Variants in UBE2E1 observed in about 807,000 individuals in gnomAD.
UBE2E1 encodes the protein ubiquitin-conjugating enzyme E2 E1.
A neutral mutation model predicts 21.4 loss-of-function variants in UBE2E1; 6 were observed. The ratio of observed to expected loss-of-function variants is 0.28; its 90% confidence interval spans 0.15 to 0.55. UBE2E1 has a LOEUF of 0.55. Among genes scored for constraint, UBE2E1 ranks in the 20% least tolerant of loss-of-function variants. The pLI is 0.93. For synonymous variants in UBE2E1, 87 were observed against 82.7 expected (o/e 1.05, Z -0.28); for missense variants, 142 against 236.5 (o/e 0.60, Z 2.62).
At chr3:23,846,219 T>C (rs1700199518) in intron 3 of UBE2E1, among the ~76,000 whole-genome samples, 1 of 152,256 alleles carries the variant, frequency 6.6e-6, no homozygotes, top group Admixed American at 6.5e-5. Context: ...TTAAGGTAAA[T>C]GTAATGTTGA....
At chr3:23,848,975 C>T (rs1450075974) in intron 3 of UBE2E1, among the ~76,000 whole-genome samples, 1 of 152,122 alleles carries the variant, frequency 6.6e-6, no homozygotes. Flanking sequence ...CTTTTTATGG[C>T]TGAATAATAC....
chr3:23,809,867 C>T (rs1465230328), intron 2 of UBE2E1, among the ~76,000 whole-genome samples: 1 of 152,106 alleles, frequency 6.6e-6, no homozygotes, highest in Non-Finnish European at 1.5e-5. Flanking sequence ...AGTCAAACAG[C>T]GGGAGTATGA....
Position 23,811,456 on chromosome 3 carries a change from C to T in UBE2E1, c.153-4C>T. 6.2e-7 allele frequency: 1 copy of T among 1,614,160 alleles called. No homozygotes were observed. Among genetic ancestry groups the T allele is most frequent in the Non-Finnish European group, 8.5e-7 (1 of 1,179,992 alleles). On this transcript the variant is annotated splice_region_variant and splice_polypyrimidine_tract_variant and intron_variant, in intron 2 of 5. Transcript: ENST00000306627. Reference sequence around the variant, plus strand: ...GTTTGTCTTTCCCATTTCTCCCACTCCAGAATTCAGAAGGAGCTGGCGGAC... The same window carrying T: ...GTTTGTCTTTCCCATTTCTCCCACTTCAGAATTCAGAAGGAGCTGGCGGAC...
chr3:23,838,328 A>G (rs1030378242), intron 3 of UBE2E1, among the ~76,000 whole-genome samples: 2 of 152,080 alleles, frequency 1.3e-5, no homozygotes, highest in African/African-American at 4.8e-5. Flanking sequence ...AGGCCTTCCA[A>G]AGTGCTGGGA....
intron 3 of UBE2E1, among the ~76,000 whole-genome samples, chr3:23,885,015 A>G (rs1701147497): frequency 6.6e-6 from 1 of 152,220 alleles, no homozygotes; most frequent in African/African-American, 2.4e-5. Flanking sequence ...TGCTATAACA[A>G]AGTACCATGA....
rs1699320680 is a variant in UBE2E1 at position 23,808,362 on chromosome 3, T to C, written c.152+941T>C. ...ATTCCTAGGAGCTCTGAGACACCCT[T>C]TCATAAATCCTTCTGCTCTCAGAGT... On this transcript the variant is annotated intron_variant, in intron 2 of 5. Transcript: ENST00000306627. This position sits in a 1 kb window ranked among gnomAD's most constrained non-coding sequence, Gnocchi z 4.9. 6.6e-6 allele frequency among the ~76,000 whole-genome samples: 1 copy of C among 152,130 alleles called. No individual in the cohort carries two copies. Among genetic ancestry groups the C allele is most frequent in the African/African-American group, 2.4e-5 (1 of 41,404 alleles).
chr3:23,809,222 T>G (rs1190758716), intron 2 of UBE2E1, among the ~76,000 whole-genome samples: 1 of 152,198 alleles, frequency 6.6e-6, no homozygotes. Flanking sequence ...GAGTAGCTAT[T>G]AGTGTTAAAG....
At chr3:23,847,319 A>T (rs1285517754) in intron 3 of UBE2E1, among the ~76,000 whole-genome samples, 1 of 152,138 alleles carries the variant, frequency 6.6e-6, no homozygotes, top group Non-Finnish European at 1.5e-5. Context: ...TCATGACATC[A>T]GTAGTACGTA....
chr3:23,858,941 C>T (rs7429300), intron 3 of UBE2E1, among the ~76,000 whole-genome samples: 31 of 152,294 alleles, frequency 2.0e-4, no homozygotes, highest in Admixed American at 1.6e-3. Flanking sequence ...AACAATTTAC[C>T]TCATATCAAA....
chr3:23,858,973 A>G (rs1700497441), intron 3 of UBE2E1, among the ~76,000 whole-genome samples: 1 of 152,152 alleles, frequency 6.6e-6, no homozygotes, highest in African/African-American at 2.4e-5. Context: ...TTAATCATTT[A>G]TTGTTGGACA....
intron 3 of UBE2E1, among the ~76,000 whole-genome samples, chr3:23,851,004 T>C (rs1244143980): frequency 6.6e-6 from 1 of 152,116 alleles, no homozygotes; most frequent in Non-Finnish European, 1.5e-5. Flanking sequence ...TATTTTCTTC[T>C]AAGAGTTTCA....
In UBE2E1 at chr3:23,842,198, G is replaced by GGGGGGGTGTGTGTGTGT. The variant is rs1553637704; in HGVS notation, c.203+30689_203+30690insGGGGGTGTGTGTGTGTG. 2.9e-5 allele frequency among the ~76,000 whole-genome samples: 3 copies of GGGGGGGTGTGTGTGTGT among 104,358 alleles called. No homozygotes were observed. Among genetic ancestry groups the GGGGGGGTGTGTGTGTGT allele is most frequent in the African/African-American group, 1.1e-4 (3 of 27,702 alleles). The allele number at this position is 104,358 out of a possible 152,430, so 68.5% of individuals were successfully genotyped here. ...TATGTCATGACCCAGTAAGTGAAGG[G>GGGGGGGTGTGTGTGTGT]GTGTGTGTGTGTGTGTGTGTGTGTG... On this transcript the variant is annotated intron_variant, in intron 3 of 5. Transcript: ENST00000306627. This position sits in a 1 kb window ranked among gnomAD's most constrained non-coding sequence, Gnocchi z 4.6.
In UBE2E1 at chr3:23,836,895, G is replaced by A. The variant is rs909419747; in HGVS notation, c.203+25385G>A. The stretch of plus-strand genomic sequence containing the variant: ...TGGTGGCATCACTCATGATGAAGAA[G>A]ATAAAGCTCTTGTTAAGTAGTTTAT... On this transcript the variant is annotated intron_variant, in intron 3 of 5. Coordinates refer to ENST00000306627, the MANE Select transcript of UBE2E1 (RefSeq NM_003341.5). This position sits in a 1 kb window ranked among gnomAD's most constrained non-coding sequence, Gnocchi z 4.1. Among the ~76,000 whole-genome samples, 1 of 152,200 alleles carries A rather than the reference G, an allele frequency of 6.6e-6. No individual in the cohort carries two copies. The highest frequency in any genetic ancestry group is 1.5e-5 in the Non-Finnish European group (1 of 68,034).
At chr3:23,888,781 T>G (rs1701264610) in intron 4 of UBE2E1, among the ~76,000 whole-genome samples, 1 of 152,240 alleles carries the variant, frequency 6.6e-6, no homozygotes, top group Non-Finnish European at 1.5e-5. Context: ...AAGCTTACTT[T>G]GAGGCAGTGT....
At chr3:23,866,594 A>C (rs983757476) in intron 3 of UBE2E1, 1 of 152,174 alleles carries the variant, frequency 6.6e-6, no homozygotes, top group African/African-American at 2.4e-5. Flanking sequence ...ACTGTAATTG[A>C]ACTGATGCTT....
chr3:23,835,763 G>A (rs983730503), intron 3 of UBE2E1, among the ~76,000 whole-genome samples: 10 of 151,900 alleles, frequency 6.6e-5, no homozygotes, highest in Non-Finnish European at 1.3e-4. Flanking sequence ...TAAATCTCAC[G>A]GTTTACCTGT....
At position 23,852,420 on chromosome 3, in the gene UBE2E1, G is replaced by A. The variant is rs1452358364; in HGVS notation, c.204-35147G>A. On this transcript the variant is annotated intron_variant, in intron 3 of 5. Coordinates refer to ENST00000306627, the MANE Select transcript of UBE2E1 (RefSeq NM_003341.5). The stretch of plus-strand genomic sequence containing the variant: ...AAATTACATTTTCTGATTACTCACG[G>A]GTAGTATATAGCGATGGTTGGTTTT... 2.0e-5 allele frequency among the ~76,000 whole-genome samples: 3 copies of A among 152,052 alleles called. No homozygotes were observed. The East Asian group carries it at 5.8e-4, about 29-fold the overall frequency.
intron 3 of UBE2E1, among the ~76,000 whole-genome samples, chr3:23,812,517 AAATAC>A (rs910851490): frequency 6.6e-5 from 10 of 152,242 alleles, no homozygotes; most frequent in Non-Finnish European, 1.5e-4. Context: ...TTAGTGGATT[AAATAC>A]AAAACTATTG....
At chr3:23,849,980 C>G (rs1354183197) in intron 3 of UBE2E1, among the ~76,000 whole-genome samples, 1 of 152,116 alleles carries the variant, frequency 6.6e-6, no homozygotes, top group Non-Finnish European at 1.5e-5. Flanking sequence ...TAAAAAATGA[C>G]ATTCAGAATT....
Sources: allele counts gnomAD v4.1 joint callset (sites outside exome capture counted in the v4.1 genomes callset), GRCh38; gene constraint gnomAD v4.1.1; non-coding constraint Gnocchi (gnomAD v3.1); transcripts MANE v1.5; gene names NCBI Gene and HGNC (gene_info 2026-07-23, HGNC 2026-07-21).